EYA4: variants seen among roughly 807,000 people sequenced by gnomAD.
The protein encoded by EYA4 is protein phosphatase EYA4.
EYA4 carries 31 observed loss-of-function variants against 87.9 expected under a neutral mutation model. The ratio of observed to expected loss-of-function variants is 0.35; its 90% CI spans 0.27 to 0.48. The LOEUF is 0.48. EYA4 is among the 20% of genes least tolerant of loss of function. The probability of loss-of-function intolerance (pLI) is 0.99; values close to 1 mark genes in which losing one functional copy is unlikely to be tolerated. For missense variants in EYA4, 678 were observed against 761.4 expected, an observed-to-expected ratio of 0.89 and a Z score of 1.29; for synonymous variants, 263 against 270.6, an observed-to-expected ratio of 0.97 and a Z score of 0.28.
chr6:133,318,986 G>A (rs571038011), intron 2 of EYA4, among the ~76,000 whole-genome samples: 8 of 152,180 alleles, frequency 5.3e-5, no homozygotes, highest in Non-Finnish European at 7.3e-5. Flanking sequence ...GTTATAGGAG[G>A]CCACATTTAC....
intron 2 of EYA4, chr6:133,360,763 G>T (rs1293287325): frequency 6.6e-6 from 1 of 152,146 alleles, no homozygotes; most frequent in Non-Finnish European, 1.5e-5. Flanking sequence ...TCCTCAGATG[G>T]TCTTCCTGGT....
intron 2 of EYA4, among the ~76,000 whole-genome samples, chr6:133,317,358 G>A (rs1780707971): frequency 6.6e-6 from 1 of 152,130 alleles, no homozygotes; most frequent in East Asian, 1.9e-4. Context: ...TAGCTGCCAG[G>A]TAAGCAGTGA....
intron 2 of EYA4, among the ~76,000 whole-genome samples, chr6:133,284,652 G>C (rs1347236395): frequency 6.6e-6 from 1 of 152,138 alleles, no homozygotes; most frequent in Non-Finnish European, 1.5e-5. Flanking sequence ...CTAAATTTTA[G>C]TTTAGCATAA....
chr6:133,392,303 A>T (rs889118696), intron 3 of EYA4, among the ~76,000 whole-genome samples: 4 of 152,024 alleles, frequency 2.6e-5, no homozygotes, highest in African/African-American at 7.2e-5. Context: ...TTTTGCCAAG[A>T]TTAGTGTCTA....
chr6:133,310,858 C>T (rs976160318), intron 2 of EYA4, among the ~76,000 whole-genome samples: 1 of 152,134 alleles, frequency 6.6e-6, no homozygotes, highest in Non-Finnish European at 1.5e-5. Flanking sequence ...TCCTAGGAAA[C>T]AACTTCGTGT....
At chr6:133,313,057 T>C (rs1780353841) in intron 2 of EYA4, among the ~76,000 whole-genome samples, 1 of 152,180 alleles carries the variant, frequency 6.6e-6, no homozygotes, top group Non-Finnish European at 1.5e-5. Flanking sequence ...AGTAAGCAGG[T>C]TCTCTTATTT....
At chr6:133,489,714 CTG>C (rs1301790804) in intron 13 of EYA4, among the ~76,000 whole-genome samples, 1 of 151,968 alleles carries the variant, frequency 6.6e-6, no homozygotes, top group Non-Finnish European at 1.5e-5. Flanking sequence ...CAAACAAAAA[CTG>C]AGTGATTTCA....
rs757252384 is a variant in EYA4 at position 133,468,660 on chromosome 6, C to A, written c.899C>A (p.Ala300Asp). The change falls in exon 11 of 20, where the codon GCC (alanine) becomes GAC (aspartate). Residue 300 changes from alanine (A) to aspartate (D), a missense_variant. Ala to Asp is a moderately radical substitution (Grantham distance 126, BLOSUM62 -2). Transcript: ENST00000355286. ...GCGTATATGACATCGAATAACACAG[C>A]CGATGGCACACCCTCTTCAACCTCT... The part of the protein sequence containing the change: ...YGAYMTSNNT[A>D]DGTPSSTSTY... The A allele has an allele frequency of 7.9e-5, 127 of 1,612,752 alleles. 3 individuals carry two copies. In the South Asian group the frequency reaches 1.3e-3, roughly 17 times the overall value.
At chr6:133,382,794 CAAA>C (rs34082768) in intron 3 of EYA4, among the ~76,000 whole-genome samples, 2 of 130,900 alleles carry the variant, frequency 1.5e-5, no homozygotes, top group South Asian at 2.4e-4. Context: ...TCTGTGTTTA[CAAA>C]AAAAAAAAAA....
intron 3 of EYA4, among the ~76,000 whole-genome samples, chr6:133,387,777 C>A (rs1786878005): frequency 2.0e-5 from 3 of 152,122 alleles, no homozygotes. Flanking sequence ...ATAGCTTAAT[C>A]TTTTTCTTCC....
rs1259668187 is a variant in EYA4, at chr6:133,462,401, G to A, written c.504G>A (p.Gln168=). The stretch of plus-strand genomic sequence containing the variant: ...TGTCTGCCTATGCAGGCCAGACTCA[G>A]TATTCGGGGATGCAGCAGCCAGCCG... The part of the protein sequence containing the change: ...QTMSAYAGQT[Q]YSGMQQPAVY... Residue 168 remains glutamine (Q), a synonymous_variant, in exon 8 of 20, where the codon CAG becomes CAA. Coordinates refer to ENST00000355286, the MANE Select transcript of EYA4 (RefSeq NM_004100.5). 5 of 1,613,930 alleles carry A rather than the reference G, an allele frequency of 3.1e-6. No individual in the cohort carries two copies. In the Admixed American group the frequency reaches 5.0e-5, roughly 16 times the overall value.
At chr6:133,502,043 TTCTCTCTC>T (rs3836968) in intron 13 of EYA4, among the ~76,000 whole-genome samples, 303 of 146,402 alleles carry the variant, frequency 2.1e-3, no homozygotes, top group African/African-American at 4.1e-3. Flanking sequence ...CATCTTCCTC[TTCTCTCTC>T]TCTCTCTCTC....
Position 133,528,918 on chromosome 6 carries a change from T to C in EYA4, c.*113T>C. On this transcript the variant is annotated 3_prime_UTR_variant, in exon 20 of 20. Transcript: ENST00000355286. The stretch of plus-strand genomic sequence containing the variant: ...TAAATTGTCTTAATGGATGAAATCA[T>C]ATTTGGAATAAAAATTCCAGAATGA... 1 of 1,581,442 alleles carries C rather than the reference T, an allele frequency of 6.3e-7. No individual in the cohort carries two copies. Among genetic ancestry groups the C allele is most frequent in the African/African-American group, 1.3e-5 (1 of 74,172 alleles).
chr6:133,241,321 A>T (rs1048088800), upstream of EYA4: 1 of 151,896 alleles, frequency 6.6e-6, no homozygotes, highest in African/African-American at 2.4e-5. Flanking sequence ...GGCTGCCGGC[A>T]GCGCGGCGCA....
chr6:133,303,336 A>G (rs187529968), intron 2 of EYA4, among the ~76,000 whole-genome samples: 1 of 152,218 alleles, frequency 6.6e-6, no homozygotes, highest in East Asian at 1.9e-4. Context: ...TTTGGATTTC[A>G]TGGTGACTTG....
At chr6:133,298,209 T>G (rs1482254513) in intron 2 of EYA4, among the ~76,000 whole-genome samples, 2 of 152,228 alleles carry the variant, frequency 1.3e-5, no homozygotes, top group Non-Finnish European at 2.9e-5. Flanking sequence ...CTGTGCCCTT[T>G]TGCTGTGCTT....
intron 14 of EYA4, among the ~76,000 whole-genome samples, chr6:133,512,126 T>G (rs947177160): frequency 5.3e-5 from 8 of 152,162 alleles, no homozygotes; most frequent in African/African-American, 1.7e-4. Flanking sequence ...ATTTAAAAAC[T>G]TGACAAAAAG....
chr6:133,495,459 T>C (rs1797572201), intron 13 of EYA4, among the ~76,000 whole-genome samples: 1 of 136,812 alleles, frequency 7.3e-6, no homozygotes, highest in African/African-American at 2.7e-5. Flanking sequence ...TATATTCATT[T>C]ATTTATAAAT....
intron 1 of EYA4, among the ~76,000 whole-genome samples, chr6:133,270,590 A>G (rs1042337499): frequency 6.6e-6 from 1 of 152,150 alleles, no homozygotes; most frequent in Non-Finnish European, 1.5e-5. Context: ...TCTACTACCC[A>G]TTCTGTATTC....
Sources: allele counts gnomAD v4.1 joint callset (sites outside exome capture counted in the v4.1 genomes callset), GRCh38; gene constraint gnomAD v4.1.1; transcripts MANE v1.5; gene names NCBI Gene and HGNC (gene_info 2026-07-23, HGNC 2026-07-21).